SPMAP2L: variants seen among roughly 807,000 people sequenced by gnomAD.
SPMAP2L encodes the protein sperm microtubule associated protein 2-like.
chr4:56,606,040 T>C, the SPMAP2L span, among the ~76,000 whole-genome samples: 1 of 152,196 alleles, frequency 6.6e-6, no homozygotes, highest in Non-Finnish European at 1.5e-5. Flanking sequence ...GTATAAAAGT[T>C]AATCAAGCCC....
At chr4:56,595,790 T>C in the SPMAP2L span, 1 of 784,622 alleles carries the variant, frequency 1.3e-6, no homozygotes, top group Middle Eastern at 3.5e-4. Flanking sequence ...GCAAGAAAGA[T>C]TTCATCTCCC....
the SPMAP2L span, among the ~76,000 whole-genome samples, chr4:56,541,267 A>G: frequency 2.0e-5 from 3 of 152,222 alleles, no homozygotes; most frequent in African/African-American, 7.2e-5. Context: ...AAATAGAGCT[A>G]AAATAGACAA....
At chr4:56,601,240 C>A in the SPMAP2L span, 2 of 925,762 alleles carry the variant, frequency 2.2e-6, no homozygotes, top group Admixed American at 3.0e-5. Flanking sequence ...TCTTACTTAA[C>A]GAATTACATT....
At chr4:56,609,396 G>C in the SPMAP2L span, among the ~76,000 whole-genome samples, 1 of 152,154 alleles carries the variant, frequency 6.6e-6, no homozygotes, top group Non-Finnish European at 1.5e-5. Context: ...CACAGCTGGA[G>C]GGGGAGTTTG....
At chr4:56,580,851 A>G in the SPMAP2L span, among the ~76,000 whole-genome samples, 1 of 152,192 alleles carries the variant, frequency 6.6e-6, no homozygotes, top group Non-Finnish European at 1.5e-5. Flanking sequence ...AACAATCTGA[A>G]AGTGAAATTA....
the SPMAP2L span, chr4:56,593,581 T>C: frequency 4.4e-6 from 7 of 1,603,136 alleles, no homozygotes; most frequent in Non-Finnish European, 6.0e-6. Context: ...CGGGAGAATT[T>C]GGGGTAGACA....
chr4:56,620,319 T>C, the SPMAP2L span, among the ~76,000 whole-genome samples: 2 of 152,050 alleles, frequency 1.3e-5, no homozygotes, highest in Non-Finnish European at 2.9e-5. Flanking sequence ...CAAAAGAGAT[T>C]TTTGGTTTAT....
chr4:56,595,145 C>T, the SPMAP2L span: 128 of 1,611,404 alleles, frequency 7.9e-5, no homozygotes, highest in South Asian at 8.2e-4. Context: ...AAACAAGCCA[C>T]GGAAACTGCG....
chr4:56,551,369 G>A, the SPMAP2L span, among the ~76,000 whole-genome samples: 3 of 151,986 alleles, frequency 2.0e-5, no homozygotes, highest in Admixed American at 6.5e-5. Context: ...CTTTTTCTTT[G>A]GGGCCTGCCT....
chr4:56,608,272 T>C, the SPMAP2L span, among the ~76,000 whole-genome samples: 5 of 152,110 alleles, frequency 3.3e-5, no homozygotes, highest in South Asian at 2.1e-4. Context: ...GAATTTATAA[T>C]TAAAAGAGAG....
the SPMAP2L span, among the ~76,000 whole-genome samples, chr4:56,562,786 C>CTTTTTTTTTTTTTTTTTTTTTTTT: frequency 6.9e-6 from 1 of 145,122 alleles, no homozygotes. Context: ...TTTTCTTCGT[C>CTTTTTTTTTTTTTTTTTTTTTTTT]TTTTTTTTTA....
the SPMAP2L span, among the ~76,000 whole-genome samples, chr4:56,551,400 TG>T: frequency 6.6e-6 from 1 of 152,154 alleles, no homozygotes; most frequent in African/African-American, 2.4e-5. Context: ...ATCTGTAAGA[TG>T]GTGCATCAAT....
At chr4:56,589,474 A>T in the SPMAP2L span, among the ~76,000 whole-genome samples, 5 of 152,026 alleles carry the variant, frequency 3.3e-5, no homozygotes, top group Non-Finnish European at 2.9e-5. Flanking sequence ...GTGAAGAATG[A>T]TGGTGTTATT....
At chr4:56,590,485 C>A in the SPMAP2L span, among the ~76,000 whole-genome samples, 1 of 152,128 alleles carries the variant, frequency 6.6e-6, no homozygotes, top group African/African-American at 2.4e-5. Flanking sequence ...TTGCAGCTAC[C>A]ATTTAAGAAA....
the SPMAP2L span, among the ~76,000 whole-genome samples, chr4:56,616,874 A>ATTTAT: frequency 6.6e-6 from 1 of 152,082 alleles, no homozygotes; most frequent in Non-Finnish European, 1.5e-5. Context: ...CTACATAGTT[A>ATTTAT]TTTATTTTAT....
the SPMAP2L span, chr4:56,575,449 G>T: frequency 6.6e-7 from 1 of 1,525,118 alleles, no homozygotes; most frequent in South Asian, 1.2e-5. Flanking sequence ...AAAATACTAT[G>T]ACAATTTGAA....
the SPMAP2L span, among the ~76,000 whole-genome samples, chr4:56,572,671 T>C: frequency 6.6e-6 from 1 of 152,232 alleles, no homozygotes; most frequent in Non-Finnish European, 1.5e-5. Flanking sequence ...TTTTGTATAC[T>C]GAATATTTGT....
At chr4:56,603,278 G>A in the SPMAP2L span, 1 of 1,534,740 alleles carries the variant, frequency 6.5e-7, no homozygotes, top group African/African-American at 1.4e-5. Flanking sequence ...TGAAAGCACA[G>A]TGTTCTCAAA....
At chr4:56,626,209 G>A in the SPMAP2L span, among the ~76,000 whole-genome samples, 484 of 152,332 alleles carry the variant, frequency 3.2e-3, 2 homozygotes, top group African/African-American at 0.011. Flanking sequence ...AAATATGAAA[G>A]TGAAATTGCC....
Sources: allele counts gnomAD v4.1 joint callset (sites outside exome capture counted in the v4.1 genomes callset), GRCh38; gene constraint gnomAD v4.1.1; transcripts MANE v1.5; gene names NCBI Gene and HGNC (gene_info 2026-07-23, HGNC 2026-07-21).